Variants in UBE3B observed in about 807,000 individuals in gnomAD.
UBE3B encodes ubiquitin protein ligase E3B.
A neutral mutation model predicts 132.3 loss-of-function variants in UBE3B; 80 were observed. The observed-to-expected ratio is 0.60, with a 90% CI of 0.50 to 0.73. UBE3B has a LOEUF of 0.73. UBE3B is among the 30% of genes least tolerant of loss of function. The probability of loss-of-function intolerance (pLI) is 0.00; values close to 1 mark genes in which losing one functional copy is unlikely to be tolerated. For missense variants in UBE3B, 1,196 were observed against 1,362.5 expected, an observed-to-expected ratio of 0.88 and a Z score of 1.92; for synonymous variants, 487 against 520.4, an observed-to-expected ratio of 0.94 and a Z score of 0.87.
At position 109,534,853 on chromosome 12, in the gene UBE3B, C is replaced by G; in HGVS notation, c.*71C>G. 3 of 1,327,104 alleles carry G rather than the reference C, an allele frequency of 2.3e-6. No individual in the cohort carries two copies. Among genetic ancestry groups the G allele is most frequent in the Non-Finnish European group, 3.1e-6 (3 of 982,652 alleles). The allele number at this position is 1,327,104 out of a possible 1,614,324, so 82.2% of individuals were successfully genotyped here. A position where few individuals can be genotyped will look rare whatever the true frequency, so the allele number is the denominator to read the frequency against. ...CTTCAGCTCCCAGAGGCAGTGTGGT[C>G]CTGGGAATGTGACCAACATGCCAGG... On this transcript the variant is annotated 3_prime_UTR_variant, in exon 28 of 28. Coordinates refer to ENST00000342494, the MANE Select transcript of UBE3B (RefSeq NM_130466.4). This position sits in a 1 kb window ranked among gnomAD's most constrained non-coding sequence, Gnocchi z 5.2.
the UBE3B span, among the ~76,000 whole-genome samples, chr12:109,544,606 T>C: frequency 2.0e-5 from 3 of 151,868 alleles, no homozygotes; most frequent in Non-Finnish European, 4.4e-5. Flanking sequence ...GGCTCCCAGA[T>C]CCCCCCAGCC....
chr12:109,546,199 C>A, the UBE3B span, among the ~76,000 whole-genome samples: 2 of 152,110 alleles, frequency 1.3e-5, no homozygotes, highest in South Asian at 4.1e-4. Context: ...GCCTCTGCAG[C>A]AGGGGCCAGA....
Position 109,503,193 on chromosome 12 carries a change from T to C in UBE3B, c.1450+3T>C. ...GATTCGGCTGCAGATACTCACAGGT[T>C]CGCAGTCCCCAGGGCATCTTCTTCA... On this transcript the variant is annotated splice_donor_region_variant and intron_variant, in intron 14 of 27. Coordinates refer to ENST00000342494, the MANE Select transcript of UBE3B (RefSeq NM_130466.4). 6.2e-7 allele frequency: 1 copy of C among 1,613,940 alleles called. No homozygotes were observed. Among genetic ancestry groups the C allele is most frequent in the South Asian group, 1.1e-5 (1 of 91,072 alleles).
At chr12:109,486,384 AAC>A in intron 5 of UBE3B, 85 bp from the exon 6 acceptor site, 24 of 1,101,986 alleles carry the variant, frequency 2.2e-5, no homozygotes, top group Non-Finnish European at 2.9e-5. Context: ...CACTGGACCT[AAC>A]TAATAGGTCC....
chr12:109,484,582 G>A (rs1176524679), intron 4 of UBE3B, among the ~76,000 whole-genome samples: 4 of 152,262 alleles, frequency 2.6e-5, no homozygotes, highest in African/African-American at 9.6e-5. Flanking sequence ...AGTAGAGATG[G>A]GGTTTCACCA....
rs144343146 is a variant in UBE3B at position 109,486,033 on chromosome 12, A to C, written c.304A>C (p.Ser102Arg). 6.4e-7 allele frequency: 1 copy of C among 1,554,690 alleles called. No homozygotes were observed. Residue 102 changes from serine to arginine, a missense_variant, in exon 5 of 28, where the codon AGC becomes CGC. Transcript: ENST00000342494. ...GCAGAGATTTGAGAAGTTGTGTCGC[A>C]GCATCCTGAGCAGCATGGATGCTGA... ...DNERFEKLCR[S>R]ILSSMDAENE... is the part of the protein sequence containing the mutation.
intron 15 of UBE3B, chr12:109,508,796 G>A (rs1206254222): frequency 1.1e-6 from 1 of 947,494 alleles, no homozygotes; most frequent in Admixed American, 6.2e-5. Flanking sequence ...GTCTTAAATG[G>A]CTCATTTATT....
Position 109,490,024 on chromosome 12 carries a change from CA to C in UBE3B, c.630+21del, listed in dbSNP as rs1566078260. On this transcript the variant is annotated intron_variant, in intron 8 of 27. Coordinates refer to ENST00000342494, the MANE Select transcript of UBE3B (RefSeq NM_130466.4). ...CTGCAGGTCTGTGACTCCTGCCCCC[CA>C]GTGTGCAACTTCTCCACTCTCCAAC... 1 of 1,609,806 alleles carries C rather than the reference CA, an allele frequency of 6.2e-7. No individual in the cohort carries two copies. Among genetic ancestry groups the C allele is most frequent in the Admixed American group, 1.7e-5 (1 of 60,024 alleles).
chr12:109,533,349 A>C, intron 26 of UBE3B, 117 bp from the exon 27 acceptor site: 1 of 953,216 alleles, frequency 1.0e-6, no homozygotes, highest in Non-Finnish European at 1.7e-6. Context: ...ACGGCTGGCT[A>C]GACAGCAGTT....
rs1211985011 is a variant in UBE3B, at chr12:109,483,684, T to C, written c.133T>C (p.Cys45Arg). The C allele has an allele frequency of 3.1e-6, 5 of 1,609,728 alleles. No homozygotes were observed. Among genetic ancestry groups the C allele is most frequent in the Non-Finnish European group, 4.2e-6 (5 of 1,178,298 alleles). The change falls in exon 3 of 28, where the codon TGT becomes CGT. Residue 45 changes from cysteine to arginine, a missense_variant. Cys to Arg is a radical substitution (Grantham distance 180). Coordinates refer to ENST00000342494, the MANE Select transcript of UBE3B (RefSeq NM_130466.4). ...VIQAHVRSFL[C>R]RSRLQRDIRR... Reference sequence around the variant, plus strand: ...CCAGGCCCATGTCCGGAGTTTTCTCTGTCGGAGTCGACTGCAGAGAGATAT... The same window carrying C: ...CCAGGCCCATGTCCGGAGTTTTCTCCGTCGGAGTCGACTGCAGAGAGATAT...
intron 9 of UBE3B, among the ~76,000 whole-genome samples, chr12:109,495,890 G>A (rs909264887): frequency 2.0e-5 from 3 of 152,224 alleles, no homozygotes; most frequent in South Asian, 2.1e-4. Flanking sequence ...CCTTCTGGCC[G>A]TGGGCATCAC....
chr12:109,534,095 C>T lies in UBE3B; in HGVS notation c.3016-496C>T, dbSNP rs570193574. ...CTACTCCCCATAAAAACCCAGTGGC[C>T]GCCTCTGGGTGTAGCTGCCTCTCAT... On this transcript the variant is annotated intron_variant, in intron 27 of 27. Transcript: ENST00000342494. The surrounding 1 kb of genome is among the most constrained non-coding windows in gnomAD (Gnocchi z 5.2). The T allele has an allele frequency of 4.7e-4, 612 of 1,294,808 alleles. 2 individuals are homozygous for T. Among genetic ancestry groups the T allele is most frequent in the African/African-American group, 4.4e-3 (293 of 66,200 alleles). The allele number at this position is 1,294,808 out of a possible 1,614,324, so 80.2% of individuals were successfully genotyped here. A position where few individuals can be genotyped will look rare whatever the true frequency, so the allele number is the denominator to read the frequency against.
In UBE3B at chr12:109,498,213, C is replaced by A; in HGVS notation, c.820-20C>A. 3 of 1,612,754 alleles carry A rather than the reference C, an allele frequency of 1.9e-6. No individual in the cohort carries two copies. Among genetic ancestry groups the A allele is most frequent in the Non-Finnish European group, 2.5e-6 (3 of 1,179,296 alleles). Reference sequence around the variant, plus strand: ...CTGTTTCTGGCAGTTTCTGATTTAACGGTCTGCTATTCTTTGCAGCGCCTC... The same window carrying A: ...CTGTTTCTGGCAGTTTCTGATTTAAAGGTCTGCTATTCTTTGCAGCGCCTC... On this transcript the variant is annotated intron_variant, in intron 10 of 27. Transcript: ENST00000342494.
At position 109,501,401 on chromosome 12, in the gene UBE3B, A is replaced by G. The variant is rs754594106; in HGVS notation, c.1149A>G (p.Lys383=). ...ACGAGTCAATGCACTTGATCACCAA[A>G]CAGCTGCAGTTCTTGTGGGGGGTGC... ...GLNESMHLIT[K]QLQFLWGVPL... The change falls in exon 13 of 28, where the codon AAA becomes AAG. Residue 383 remains lysine (K), a synonymous_variant. Transcript: ENST00000342494. The G allele has an allele frequency of 1.2e-6, 2 of 1,614,044 alleles. No individual in the cohort carries two copies. Among genetic ancestry groups the G allele is most frequent in the Non-Finnish European group, 8.5e-7 (1 of 1,180,008 alleles).
chr12:109,534,597 G>C lies in UBE3B; in HGVS notation c.3022G>C (p.Gly1008Arg). 6.2e-7 allele frequency: 1 copy of C among 1,608,586 alleles called. No individual in the cohort carries two copies. Among genetic ancestry groups the C allele is most frequent in the Non-Finnish European group, 8.5e-7 (1 of 1,177,324 alleles). Residue 1008 changes from glycine (G) to arginine (R), a missense_variant, in exon 28 of 28, where the codon GGG (glycine) becomes CGG (arginine). Physicochemically the swap from Gly to Arg is moderately radical, Grantham distance 125. Coordinates refer to ENST00000342494, the MANE Select transcript of UBE3B (RefSeq NM_130466.4). The surrounding 1 kb of genome is among the most constrained non-coding windows in gnomAD (Gnocchi z 5.2). The stretch of plus-strand genomic sequence containing the variant: ...CCACGATGTGTGCCTTCAGGACACC[G>C]GGGACACTCTGGGCAGCGTCCTCCG... Reference protein sequence around the residue: ...CVEVSDDQDTGDTLGSVLRGF... With the variant: ...CVEVSDDQDTRDTLGSVLRGF...
downstream of UBE3B, among the ~76,000 whole-genome samples, chr12:109,539,914 C>T (rs759206834): frequency 2.6e-5 from 4 of 151,984 alleles, no homozygotes; most frequent in Non-Finnish European, 5.9e-5. Flanking sequence ...CTTACCGTGA[C>T]AGTCCAAGTG....
chr12:109,521,596 G>A lies in UBE3B; in HGVS notation c.2364+45G>A, dbSNP rs376756684. 27 of 1,485,362 alleles carry A rather than the reference G, an allele frequency of 1.8e-5. No individual in the cohort carries two copies. Among genetic ancestry groups the A allele is most frequent in the Middle Eastern group, 1.8e-4 (1 of 5,608 alleles). The allele number at this position is 1,485,362 out of a possible 1,614,324, so 92.0% of individuals were successfully genotyped here. On this transcript the variant is annotated intron_variant, in intron 21 of 27. Coordinates refer to ENST00000342494, the MANE Select transcript of UBE3B (RefSeq NM_130466.4). The surrounding 1 kb of genome is among the most constrained non-coding windows in gnomAD (Gnocchi z 4.2). ...GAGAAATGTAAAATAAAATGTTAAC[G>A]GTACCATGGGCTTCTTCACATACAC...
rs1169051176 is a variant in UBE3B, at chr12:109,521,288, C to T, written c.2217C>T (p.Ile739=). 1 of 1,614,032 alleles carries T rather than the reference C, an allele frequency of 6.2e-7. No homozygotes were observed. The highest frequency in any genetic ancestry group is 1.7e-5 in the Admixed American group (1 of 59,992). The change falls in exon 20 of 28, where the codon ATC becomes ATT. Residue 739 remains isoleucine, a synonymous_variant. Coordinates refer to ENST00000342494, the MANE Select transcript of UBE3B (RefSeq NM_130466.4). This position sits in a 1 kb window ranked among gnomAD's most constrained non-coding sequence, Gnocchi z 4.2. ...TTAAGGAGTTCTTGGAAGAGATCATCAAGAGAGTTTTTGACCCAGCACTCA... is the reference window on the plus strand; with the variant it reads ...TTAAGGAGTTCTTGGAAGAGATCATTAAGAGAGTTTTTGACCCAGCACTCA... ...GVFKEFLEEI[I]KRVFDPALNL... is the part of the protein sequence containing the mutation.
At position 109,536,239 on chromosome 12, in the gene UBE3B, T is replaced by C. The variant is rs887977760; in HGVS notation, c.*1457T>C. On this transcript the variant is annotated 3_prime_UTR_variant, in exon 28 of 28. Coordinates refer to ENST00000342494, the MANE Select transcript of UBE3B (RefSeq NM_130466.4). ...TAAAGACAGGAATGTATTAATATTA[T>C]TGAAGGTGTGTTCGTAACCTCTGAT... The C allele has an allele frequency of 6.6e-6, 1 of 152,274 alleles. No homozygotes were observed. Among genetic ancestry groups the C allele is most frequent in the African/African-American group, 2.4e-5 (1 of 41,476 alleles). 9.4% of individuals were successfully genotyped at this position (152,274 alleles called of 1,614,324 possible).
Sources: allele counts gnomAD v4.1 joint callset (sites outside exome capture counted in the v4.1 genomes callset), GRCh38; gene constraint gnomAD v4.1.1; non-coding constraint Gnocchi (gnomAD v3.1); transcripts MANE v1.5; gene names NCBI Gene and HGNC (gene_info 2026-07-23, HGNC 2026-07-21).